Variants in LZTFL1 observed in about 807,000 individuals in gnomAD.
LZTFL1 encodes leucine zipper transcription factor like 1, also known as leucine zipper transcription factor-like protein 1.
LZTFL1 carries 25 observed loss-of-function variants against 45.9 expected under a neutral mutation model. That is an observed-to-expected ratio of 0.54 (90% CI 0.40 to 0.76). The LOEUF (loss-of-function observed/expected upper bound fraction) is 0.76, where lower values mean the gene tolerates loss of function less well. Ranked by LOEUF, LZTFL1 falls within the 30% of genes least tolerant of loss-of-function variation. LZTFL1 has a pLI of 0.00. For synonymous variants in LZTFL1, 93 were observed against 117.4 expected, an observed-to-expected ratio of 0.79 and a Z score of 1.35; for missense variants, 277 against 331.1, an observed-to-expected ratio of 0.84 and a Z score of 1.27.
At chr3:45,903,602 AC>A (rs1702620424) in intron 2 of LZTFL1, among the ~76,000 whole-genome samples, 1 of 152,036 alleles carries the variant, frequency 6.6e-6, no homozygotes, top group Non-Finnish European at 1.5e-5. Context: ...CTGCCATTTC[AC>A]CCTTTTTCTC....
At position 45,900,923 on chromosome 3, in the gene LZTFL1, G is replaced by C. The variant is rs1702529856; in HGVS notation, c.-215+12197C>G. ...ACTGTGAGAAAAACAATGTCAGGCA[G>C]TTTGCGAGCCATTTCCTCCCACCCT... On this transcript the variant is annotated intron_variant, in intron 2 of 4. Transcript: ENST00000472635. The surrounding 1 kb of genome is among the most constrained non-coding windows in gnomAD (Gnocchi z 4.7). 1 of 1,614,070 alleles carries C rather than the reference G, an allele frequency of 6.2e-7. No individual in the cohort carries two copies. The highest frequency in any genetic ancestry group is 8.5e-7 in the Non-Finnish European group (1 of 1,180,042).
intron 2 of LZTFL1, among the ~76,000 whole-genome samples, chr3:45,875,009 T>C (rs1701728021): frequency 6.6e-6 from 1 of 152,226 alleles, no homozygotes; most frequent in Non-Finnish European, 1.5e-5. Context: ...GTTGAAGAAC[T>C]TCTCAATTGA....
chr3:45,907,813 A>G (rs1453334135), intron 2 of LZTFL1, among the ~76,000 whole-genome samples: 1 of 152,230 alleles, frequency 6.6e-6, no homozygotes. Context: ...AGCAACAAGC[A>G]GCCACGGACT....
At chr3:45,865,701 T>C (rs1388298475) in intron 2 of LZTFL1, among the ~76,000 whole-genome samples, 1 of 152,216 alleles carries the variant, frequency 6.6e-6, no homozygotes. Context: ...CTGGTAGAAA[T>C]GTAAAAATGA....
rs924457897 is a variant in LZTFL1, at chr3:45,828,695, T to C, written c.601-80A>G. On this transcript the variant is annotated intron_variant, in intron 7 of 9. Transcript: ENST00000296135. ...GTTTTAGAATGGTGATTCAACATCA[T>C]AGGAGATGAAAAAAATGATGTATGT... is the stretch of plus-strand genomic sequence containing the variant. 1.0e-4 allele frequency: 123 copies of C among 1,217,600 alleles called. No homozygotes were observed. The East Asian group carries it at 2.7e-3, about 26-fold the overall frequency. 75.4% of individuals were successfully genotyped at this position (1,217,600 alleles called of 1,614,324 possible).
chr3:45,892,376 A>G (rs1438631250), intron 2 of LZTFL1, among the ~76,000 whole-genome samples: 2 of 152,186 alleles, frequency 1.3e-5, no homozygotes, highest in East Asian at 3.8e-4. Flanking sequence ...AATACTACAC[A>G]GCCATAAAAA....
chr3:45,865,485 A>G (rs1701563916), intron 2 of LZTFL1, among the ~76,000 whole-genome samples: 1 of 152,270 alleles, frequency 6.6e-6, no homozygotes, highest in African/African-American at 2.4e-5. Flanking sequence ...ACACACATGC[A>G]CAGACTCTTG....
chr3:45,841,952 C>A (rs1252781666), intron 1 of LZTFL1, 37 bp downstream of exon 1: 21 of 1,608,772 alleles, frequency 1.3e-5, no homozygotes, highest in Non-Finnish European at 1.4e-5. Context: ...GCGCTCTCTC[C>A]TGTGCGCGGT....
rs143172742 is a variant in LZTFL1, at chr3:45,873,710, A to T, written c.-214-14694T>A. On this transcript the variant is annotated intron_variant, in intron 2 of 4. Transcript: ENST00000472635. The stretch of plus-strand genomic sequence containing the variant: ...GTCCTCTTTTCTCTGGAAGACCTCC[A>T]TCTTTCCACAAATTCAAACCAAACT... 3.5e-3 allele frequency among the ~76,000 whole-genome samples: 539 copies of T among 152,250 alleles called. 2 individuals carry two copies. The highest frequency in any genetic ancestry group is 8.1e-3 in the South Asian group (39 of 4,820).
chr3:45,829,657 A>T (rs1487760200), intron 7 of LZTFL1, among the ~76,000 whole-genome samples: 3 of 150,816 alleles, frequency 2.0e-5, no homozygotes, highest in East Asian at 3.8e-4. Flanking sequence ...GAAAAAAAAA[A>T]TCTTTCCTCA....
rs76565602 is a variant in LZTFL1 at position 45,870,896 on chromosome 3, C to T, written c.-214-11880G>A. 5.3e-3 allele frequency among the ~76,000 whole-genome samples: 800 copies of T among 152,236 alleles called. 8 individuals carry two copies. The highest frequency in any genetic ancestry group is 0.018 in the African/African-American group (746 of 41,528). The stretch of plus-strand genomic sequence containing the variant: ...TGCACTTAAAAACATGTATATGTTC[C>T]CAGACAAATGGATAATACTTGAGTG... On this transcript the variant is annotated intron_variant, in intron 2 of 4. Coordinates refer to the LZTFL1 transcript ENST00000472635.
intron 2 of LZTFL1, among the ~76,000 whole-genome samples, chr3:45,892,859 G>T (rs1488313362): frequency 1.3e-5 from 2 of 152,202 alleles, no homozygotes; most frequent in African/African-American, 4.8e-5. Flanking sequence ...CCAGGAGGAA[G>T]TTCTGGTTGC....
Position 45,854,819 on chromosome 3 carries a change from C to T in LZTFL1, c.-49+167G>A, listed in dbSNP as rs575327357. 9.8e-5 allele frequency among the ~76,000 whole-genome samples: 15 copies of T among 152,362 alleles called. No individual in the cohort carries two copies. The South Asian group carries it at 1.7e-3, about 17-fold the overall frequency. The stretch of plus-strand genomic sequence containing the variant: ...CCTCTCTCTCCTGCTGCTTCCAGCA[C>T]ATCCTAGGATTACATCTGAAATAAC... On this transcript the variant is annotated intron_variant, in intron 4 of 4. Transcript: ENST00000472635.
rs887730497 is a variant in LZTFL1 at position 45,830,788 on chromosome 3, T to C, written c.600+125A>G. 7 of 783,740 alleles carry C rather than the reference T, an allele frequency of 8.9e-6. No individual in the cohort carries two copies. In the African/African-American group the frequency reaches 1.0e-4, roughly 12 times the overall value. The allele number at this position is 783,740 out of a possible 1,614,324, so 48.5% of individuals were successfully genotyped here. A position where few individuals can be genotyped will look rare whatever the true frequency, so the allele number is the denominator to read the frequency against. Reference sequence around the variant, plus strand: ...GCAAGAATGTCCCAACACATGACAATAGAGGCATTTGTCTCAGGGAGTAGC... The same window carrying C: ...GCAAGAATGTCCCAACACATGACAACAGAGGCATTTGTCTCAGGGAGTAGC... On this transcript the variant is annotated intron_variant, in intron 7 of 9. Transcript: ENST00000296135.
rs1575254894 is a variant in LZTFL1, at chr3:45,832,809, G to A, written c.456+241C>T. ...AAACTTTAAATGTCCATCAATAAACGCTGTCCAAAATTTCATGCTCTTCAC... is the reference window on the plus strand; with the variant it reads ...AAACTTTAAATGTCCATCAATAAACACTGTCCAAAATTTCATGCTCTTCAC... On this transcript the variant is annotated intron_variant, in intron 5 of 9. Transcript: ENST00000296135. The A allele has an allele frequency of 1.4e-5, 5 of 360,396 alleles. No individual in the cohort carries two copies. In the East Asian group the frequency reaches 1.9e-4, roughly 14 times the overall value. The allele number at this position is 360,396 out of a possible 1,614,324, so 22.3% of individuals were successfully genotyped here. A position where few individuals can be genotyped will look rare whatever the true frequency, so the allele number is the denominator to read the frequency against.
intron 2 of LZTFL1, among the ~76,000 whole-genome samples, chr3:45,874,989 G>A (rs1265304386): frequency 6.6e-6 from 1 of 152,226 alleles, no homozygotes; most frequent in East Asian, 1.9e-4. Flanking sequence ...ACTGAGGTCA[G>A]CTAAGGTTAG....
intron 2 of LZTFL1, among the ~76,000 whole-genome samples, chr3:45,836,570 G>T (rs1305187924): frequency 6.6e-6 from 1 of 152,094 alleles, no homozygotes; most frequent in Non-Finnish European, 1.5e-5. Flanking sequence ...CAGGAGAATC[G>T]CTTGTAACCA....
At chr3:45,844,988 A>C (rs1260689810), upstream of LZTFL1, among the ~76,000 whole-genome samples, 1 of 152,216 alleles carries the variant, frequency 6.6e-6, no homozygotes, top group African/African-American at 2.4e-5. Context: ...ATGCATTAAC[A>C]ACACCCCAAA....
chr3:45,889,483 T>G (rs563325345), intron 2 of LZTFL1, among the ~76,000 whole-genome samples: 67 of 152,044 alleles, frequency 4.4e-4, no homozygotes, highest in South Asian at 1.5e-3. Flanking sequence ...GCATTGGGCT[T>G]CTTCTTCTTT....
Sources: allele counts gnomAD v4.1 joint callset (sites outside exome capture counted in the v4.1 genomes callset), GRCh38; gene constraint gnomAD v4.1.1; non-coding constraint Gnocchi (gnomAD v3.1); transcripts MANE v1.5; gene names NCBI Gene and HGNC (gene_info 2026-07-23, HGNC 2026-07-21).